PLXNA4: variants seen among roughly 807,000 people sequenced by gnomAD.
The protein encoded by PLXNA4 is plexin-A4.
In PLXNA4, 44 loss-of-function variants were observed where a neutral mutation model predicts 191.8. The observed-to-expected ratio is 0.23, with a 90% CI of 0.18 to 0.29. The LOEUF (loss-of-function observed/expected upper bound fraction) is 0.29, where lower values mean the gene tolerates loss of function less well. Ranked by LOEUF, PLXNA4 falls within the 10% of genes least tolerant of loss-of-function variation. The pLI is 1.00. For missense variants in PLXNA4, 1,800 were observed against 2,488.8 expected, an observed-to-expected ratio of 0.72 and a Z score of 5.89; for synonymous variants, 1,082 against 1,009.5, an observed-to-expected ratio of 1.07 and a Z score of -1.36.
intron 29 of PLXNA4, among the ~76,000 whole-genome samples, 154 bp downstream of exon 29, chr7:132,144,965 G>T (rs1795375263): frequency 6.6e-6 from 1 of 152,172 alleles, no homozygotes; most frequent in Admixed American, 6.5e-5. Context: ...AGAGTGGATG[G>T]GGAGGACCAG....
At chr7:132,565,855 G>C (rs1488809563) in intron 1 of PLXNA4, among the ~76,000 whole-genome samples, 3 of 152,184 alleles carry the variant, frequency 2.0e-5, no homozygotes, top group African/African-American at 7.2e-5. Flanking sequence ...TGTTGTCAGG[G>C]TTTTCCTTTC....
intron 21 of PLXNA4, among the ~76,000 whole-genome samples, chr7:132,171,512 G>A (rs1796285814): frequency 6.6e-6 from 1 of 152,214 alleles, no homozygotes. Flanking sequence ...AGACTGGCCG[G>A]CTAAGGGAGG....
chr7:132,241,795 C>T (rs1798888280), intron 4 of PLXNA4, among the ~76,000 whole-genome samples: 1 of 148,624 alleles, frequency 6.7e-6, no homozygotes, highest in African/African-American at 2.5e-5. Context: ...ATGGTGCTTT[C>T]AAAGAGCATC....
At chr7:132,205,440 T>C (rs1296790146) in intron 10 of PLXNA4, among the ~76,000 whole-genome samples, 1 of 152,186 alleles carries the variant, frequency 6.6e-6, no homozygotes, top group Non-Finnish European at 1.5e-5. Context: ...GGCAGATGAC[T>C]GCCCCAGTGG....
intron 3 of PLXNA4, among the ~76,000 whole-genome samples, chr7:132,476,469 A>T (rs967437698): frequency 6.6e-6 from 1 of 152,264 alleles, no homozygotes; most frequent in Non-Finnish European, 1.5e-5. Context: ...TCTGCAGGAT[A>T]GCTTCCTCCA....
chr7:132,234,732 A>G (rs66514165), intron 5 of PLXNA4, among the ~76,000 whole-genome samples: 19,208 of 151,966 alleles, frequency 0.13, 2,031 homozygotes, highest in African/African-American at 0.27. Context: ...GAAAATTCCA[A>G]TGTACTAGTA....
At chr7:132,429,181 G>T (rs1795170534) in intron 3 of PLXNA4, among the ~76,000 whole-genome samples, 1 of 152,174 alleles carries the variant, frequency 6.6e-6, no homozygotes, top group African/African-American at 2.4e-5. Context: ...GAGAGAAAAG[G>T]TCTTGCCCCA....
intron 5 of PLXNA4, among the ~76,000 whole-genome samples, chr7:132,238,156 G>A (rs928009635): frequency 5.9e-5 from 9 of 152,182 alleles, no homozygotes; most frequent in Non-Finnish European, 1.3e-4. Flanking sequence ...GTTCAGGTAT[G>A]TGTTATAGTG....
At chr7:132,290,542 C>T (rs139546606) in intron 4 of PLXNA4, among the ~76,000 whole-genome samples, 9 of 152,266 alleles carry the variant, frequency 5.9e-5, no homozygotes, top group Non-Finnish European at 1.2e-4. Flanking sequence ...TAGACATTCC[C>T]TTGGGGTTAC....
At chr7:132,285,221 C>T (rs931719334) in intron 4 of PLXNA4, among the ~76,000 whole-genome samples, 52 of 152,138 alleles carry the variant, frequency 3.4e-4, no homozygotes, top group Admixed American at 3.3e-3. Flanking sequence ...GATGAAGAAA[C>T]GGAAATACGC....
At chr7:132,269,490 G>A (rs1298959580) in intron 4 of PLXNA4, among the ~76,000 whole-genome samples, 3 of 151,938 alleles carry the variant, frequency 2.0e-5, no homozygotes, top group African/African-American at 7.3e-5. Flanking sequence ...GAGTGGCATG[G>A]GACACCACAT....
At chr7:132,157,043 C>T (rs1031163008) in intron 25 of PLXNA4, among the ~76,000 whole-genome samples, 3 of 152,196 alleles carry the variant, frequency 2.0e-5, no homozygotes, top group Admixed American at 6.5e-5. Flanking sequence ...TGCCCCAGGC[C>T]TCTCTTTGTT....
At chr7:132,297,798 C>T (rs765136298) in intron 4 of PLXNA4, among the ~76,000 whole-genome samples, 18 of 152,136 alleles carry the variant, frequency 1.2e-4, no homozygotes, top group South Asian at 4.1e-4. Context: ...ATCTGTACGA[C>T]GTTCCTTCAG....
At chr7:132,315,638 C>T (rs185303621) in intron 3 of PLXNA4, among the ~76,000 whole-genome samples, 20 of 152,344 alleles carry the variant, frequency 1.3e-4, no homozygotes, top group African/African-American at 4.3e-4. Flanking sequence ...ATCTCACGCC[C>T]CTCCCGAGTG....
chr7:132,351,592 A>G (rs1326311378), intron 3 of PLXNA4, among the ~76,000 whole-genome samples: 1 of 152,216 alleles, frequency 6.6e-6, no homozygotes, highest in Non-Finnish European at 1.5e-5. Context: ...CATGCCCAAG[A>G]TACCTGCTTT....
chr7:132,134,078 G>GA (rs1260256839), intron 30 of PLXNA4, among the ~76,000 whole-genome samples: 1 of 152,186 alleles, frequency 6.6e-6, no homozygotes, highest in Non-Finnish European at 1.5e-5. Flanking sequence ...GGGGATGGGG[G>GA]AGGACAGTCT....
intron 1 of PLXNA4, among the ~76,000 whole-genome samples, chr7:132,523,499 A>G (rs1563150704): frequency 6.6e-6 from 1 of 152,264 alleles, no homozygotes; most frequent in Non-Finnish European, 1.5e-5. Context: ...TGGAAGGCCC[A>G]GAAGAGCACG....
At chr7:132,161,761 T>C (rs987311868) in intron 24 of PLXNA4, among the ~76,000 whole-genome samples, 1 of 152,098 alleles carries the variant, frequency 6.6e-6, no homozygotes, top group Non-Finnish European at 1.5e-5. Context: ...CCTAGCGCTC[T>C]GGCAAGCTCC....
intron 1 of PLXNA4, among the ~76,000 whole-genome samples, chr7:132,562,826 CT>C (rs1801300297): frequency 8.6e-6 from 1 of 116,870 alleles, no homozygotes; most frequent in East Asian, 2.8e-4. Flanking sequence ...TCTCCTCCTC[CT>C]TCTCCTCCTC....
Sources: allele counts gnomAD v4.1 joint callset (sites outside exome capture counted in the v4.1 genomes callset), GRCh38; gene constraint gnomAD v4.1.1; transcripts MANE v1.5; gene names NCBI Gene and HGNC (gene_info 2026-07-23, HGNC 2026-07-21).